The following FOXP2 variants were observed in gnomAD, a reference collection of about 807,000 sequenced individuals.
FOXP2 encodes the protein forkhead box protein P2.
FOXP2 carries 12 observed loss-of-function variants against 115.8 expected under a neutral mutation model. The ratio of observed to expected loss-of-function variants is 0.10; its 90% CI spans 0.07 to 0.17. The LOEUF (loss-of-function observed/expected upper bound fraction) is 0.17, where lower values mean the gene tolerates loss of function less well. Ranked by LOEUF, FOXP2 falls within the 10% of genes least tolerant of loss-of-function variation. The pLI is 1.00. For synonymous variants in FOXP2, 328 were observed against 297.7 expected (o/e 1.10, Z -1.05); for missense variants, 629 against 843.5 (o/e 0.75, Z 3.15).
At chr7:114,567,614 G>A (rs1435375021) in intron 3 of FOXP2, among the ~76,000 whole-genome samples, 1 of 152,084 alleles carries the variant, frequency 6.6e-6, no homozygotes, top group East Asian at 1.9e-4. Flanking sequence ...AGAAACAGAT[G>A]CAAACACTTA....
At chr7:114,252,780 G>T (rs1250787864) in intron 1 of FOXP2, among the ~76,000 whole-genome samples, 1 of 151,976 alleles carries the variant, frequency 6.6e-6, no homozygotes. Context: ...GGTTTTTTGT[G>T]TCTCTATCTC....
chr7:114,391,153 C>A (rs978886641), intron 2 of FOXP2, among the ~76,000 whole-genome samples: 1 of 151,678 alleles, frequency 6.6e-6, no homozygotes, highest in East Asian at 1.9e-4. Context: ...TGCCACTGTA[C>A]TCCAGCCTTG....
chr7:114,684,796 T>C (rs1808274269), intron 16 of FOXP2, among the ~76,000 whole-genome samples: 1 of 152,198 alleles, frequency 6.6e-6, no homozygotes, highest in Non-Finnish European at 1.5e-5. Flanking sequence ...ACAAGTAATC[T>C]CATTAGAAGA....
chr7:114,686,352 T>C (rs1274755847), intron 16 of FOXP2, among the ~76,000 whole-genome samples: 2 of 152,142 alleles, frequency 1.3e-5, no homozygotes, highest in Non-Finnish European at 2.9e-5. Context: ...TTTGTATTTT[T>C]ATTAGAAACA....
In FOXP2 at chr7:114,644,727, C is replaced by A; in HGVS notation, c.1032C>A (p.Gly344=). Residue 344 remains glycine (G), a synonymous_variant, in exon 8 of 17, where the codon GGC becomes GGA. Coordinates refer to ENST00000350908, the MANE Select transcript of FOXP2 (RefSeq NM_014491.4). ...CTGGGGCCTCTCACACTCTCTATGG[C>A]CATGGAGTTTGCAAATGGCCAGGCT... ...EETGASHTLY[G]HGVCKWPGCE... is the part of the protein sequence containing the mutation. 6.2e-7 allele frequency: 1 copy of A among 1,613,890 alleles called. No individual in the cohort carries two copies. Among genetic ancestry groups the A allele is most frequent in the Non-Finnish European group, 8.5e-7 (1 of 1,179,952 alleles).
intron 2 of FOXP2, among the ~76,000 whole-genome samples, chr7:114,369,935 C>T (rs899265868): frequency 6.6e-6 from 1 of 152,028 alleles, no homozygotes; most frequent in African/African-American, 2.4e-5. Flanking sequence ...TAATGGAAAA[C>T]ATTTTGATTA....
chr7:114,300,927 C>T (rs1402369691), intron 2 of FOXP2, among the ~76,000 whole-genome samples: 2 of 151,942 alleles, frequency 1.3e-5, no homozygotes, highest in Non-Finnish European at 2.9e-5. Context: ...TGATTCTTAG[C>T]CCCATGAGAC....
At chr7:114,589,036 T>C (rs1035860383) in intron 3 of FOXP2, among the ~76,000 whole-genome samples, 1 of 152,190 alleles carries the variant, frequency 6.6e-6, no homozygotes, top group African/African-American at 2.4e-5. Flanking sequence ...ATTTTTTCTA[T>C]CTATTGATTC....
At chr7:114,552,657 G>A (rs1800267417) in intron 3 of FOXP2, among the ~76,000 whole-genome samples, 1 of 152,052 alleles carries the variant, frequency 6.6e-6, no homozygotes. Context: ...AGTGAAATTT[G>A]TTGTTGGATA....
chr7:114,208,454 A>T (rs542858354), intron 1 of FOXP2, among the ~76,000 whole-genome samples: 1 of 152,162 alleles, frequency 6.6e-6, no homozygotes, highest in Non-Finnish European at 1.5e-5. Flanking sequence ...CTTGTCTCAC[A>T]TGAGATGTTG....
intron 1 of FOXP2, among the ~76,000 whole-genome samples, chr7:114,214,701 C>G (rs901982812): frequency 2.6e-5 from 4 of 152,264 alleles, no homozygotes; most frequent in Admixed American, 6.5e-5. Flanking sequence ...TGCCTTCCCC[C>G]CTTACTCCTG....
chr7:114,549,817 T>C (rs1232287248), intron 3 of FOXP2, among the ~76,000 whole-genome samples: 1 of 152,154 alleles, frequency 6.6e-6, no homozygotes, highest in Non-Finnish European at 1.5e-5. Context: ...AAACCTTTCT[T>C]TAAAGAAATA....
At chr7:114,087,524 A>T (rs528054148), upstream of FOXP2, among the ~76,000 whole-genome samples, 5 of 151,776 alleles carry the variant, frequency 3.3e-5, no homozygotes, top group Non-Finnish European at 5.9e-5. Flanking sequence ...AGGGCTTCTC[A>T]CTTGGCTGTT....
At chr7:114,583,247 T>C (rs1801959570) in intron 3 of FOXP2, among the ~76,000 whole-genome samples, 1 of 151,906 alleles carries the variant, frequency 6.6e-6, no homozygotes, top group African/African-American at 2.4e-5. Flanking sequence ...GTCATGGTGG[T>C]GCACACCTGT....
At chr7:114,606,281 A>G (rs974166406) in intron 3 of FOXP2, among the ~76,000 whole-genome samples, 5 of 152,202 alleles carry the variant, frequency 3.3e-5, no homozygotes, top group Admixed American at 3.3e-4. Context: ...TTGTATGTCT[A>G]TAACTGGCAG....
At chr7:114,374,947 A>C (rs1289134506) in intron 2 of FOXP2, among the ~76,000 whole-genome samples, 1 of 152,130 alleles carries the variant, frequency 6.6e-6, no homozygotes, top group African/African-American at 2.4e-5. Flanking sequence ...CTTCAATTGA[A>C]AACGTGAAAA....
At chr7:114,266,117 T>C (rs765418633) in intron 1 of FOXP2, among the ~76,000 whole-genome samples, 2 of 152,036 alleles carry the variant, frequency 1.3e-5, no homozygotes, top group Non-Finnish European at 2.9e-5. Flanking sequence ...GATTTTACTG[T>C]CCATATCACT....
chr7:114,131,104 G>T (rs1791863219), intron 1 of FOXP2, among the ~76,000 whole-genome samples: 1 of 152,096 alleles, frequency 6.6e-6, no homozygotes, highest in African/African-American at 2.4e-5. Context: ...GACAGTTTTG[G>T]CCTTTAATGG....
At chr7:114,207,238 T>C (rs938263937) in intron 1 of FOXP2, among the ~76,000 whole-genome samples, 1 of 152,220 alleles carries the variant, frequency 6.6e-6, no homozygotes, top group African/African-American at 2.4e-5. Flanking sequence ...TGTTTCCACT[T>C]TTTGGCTTAT....
Sources: allele counts gnomAD v4.1 joint callset (sites outside exome capture counted in the v4.1 genomes callset), GRCh38; gene constraint gnomAD v4.1.1; transcripts MANE v1.5; gene names NCBI Gene and HGNC (gene_info 2026-07-23, HGNC 2026-07-21).